The following DIP2B variants were observed in gnomAD, a reference collection of about 807,000 sequenced individuals.
DIP2B encodes the protein DIP2 acetate--CoA ligase B (putative).
DIP2B carries 76 observed loss-of-function variants against 198.0 expected under a neutral mutation model. The ratio of observed to expected loss-of-function variants is 0.38; its 90% CI spans 0.32 to 0.46. The LOEUF is 0.46. DIP2B is among the 20% of genes least tolerant of loss of function. The pLI is 0.99. For missense variants in DIP2B, 1,559 were observed against 1,978.4 expected (o/e 0.79, Z 4.02); for synonymous variants, 701 against 739.1 (o/e 0.95, Z 0.84).
intron 2 of DIP2B, among the ~76,000 whole-genome samples, chr12:50,630,819 G>A (rs575196247): frequency 6.6e-6 from 1 of 151,746 alleles, no homozygotes; most frequent in East Asian, 1.9e-4. Context: ...TTACAGGCAT[G>A]TGCCACCATG....
At chr12:50,730,734 A>G (rs1940027874) in intron 30 of DIP2B, among the ~76,000 whole-genome samples, 1 of 152,168 alleles carries the variant, frequency 6.6e-6, no homozygotes, top group Non-Finnish European at 1.5e-5. Context: ...TGCTGTAATT[A>G]TCGGCCTTTG....
rs551877478 is a variant in DIP2B at position 50,523,691 on chromosome 12, G to T, written c.100+18451G>T. Reference sequence around the variant, plus strand: ...AAGTTACTGTATTCAAAGCAGTATGGTATTAGCTTTAAAACAGGATGAATG... The same window carrying T: ...AAGTTACTGTATTCAAAGCAGTATGTTATTAGCTTTAAAACAGGATGAATG... On this transcript the variant is annotated intron_variant, in intron 1 of 37. Transcript: ENST00000301180. Among the ~76,000 whole-genome samples, 80 of 152,254 alleles carry T rather than the reference G, an allele frequency of 5.3e-4. No homozygotes were observed. The South Asian group carries it at 7.0e-3, about 13-fold the overall frequency.
intron 3 of DIP2B, among the ~76,000 whole-genome samples, chr12:50,655,966 C>A (rs923859568): frequency 6.6e-6 from 1 of 151,978 alleles, no homozygotes; most frequent in Non-Finnish European, 1.5e-5. Flanking sequence ...CAGAGTGAGA[C>A]CCTGTCCCAA....
At chr12:50,681,883 G>T (rs1045016354) in intron 9 of DIP2B, among the ~76,000 whole-genome samples, 7 of 152,206 alleles carry the variant, frequency 4.6e-5, no homozygotes, top group Non-Finnish European at 8.8e-5. Context: ...CACTGTGCAG[G>T]AAGGAAATGG....
intron 26 of DIP2B, among the ~76,000 whole-genome samples, chr12:50,722,882 C>G (rs528128107): frequency 1.3e-5 from 2 of 152,264 alleles, no homozygotes; most frequent in African/African-American, 4.8e-5. Context: ...TTTTATTTTC[C>G]TAGTTAACCA....
At position 50,680,759 on chromosome 12, in the gene DIP2B, A is replaced by G; in HGVS notation, c.1202A>G (p.Asp401Gly). The G allele has an allele frequency of 6.2e-7, 1 of 1,613,836 alleles. No homozygotes were observed. The highest frequency in any genetic ancestry group is 8.5e-7 in the Non-Finnish European group (1 of 1,179,874). ...TKNEPVLKPG[D>G]RVALVYPNND... ...AATGAACCTGTGTTAAAACCTGGAGACAGGGTAATTGGTGTGATTTTGGTT... is the reference window on the plus strand; with the variant it reads ...AATGAACCTGTGTTAAAACCTGGAGGCAGGGTAATTGGTGTGATTTTGGTT... Residue 401 changes from aspartate to glycine, a missense_variant, in exon 9 of 38, where the codon GAC (aspartate) becomes GGC (glycine). Coordinates refer to ENST00000301180, the MANE Select transcript of DIP2B (RefSeq NM_173602.3).
chr12:50,674,511 C>T lies in DIP2B; in HGVS notation c.678C>T (p.Thr226=), dbSNP rs1158448049. Residue 226 remains threonine, a synonymous_variant, in exon 6 of 38, where the codon ACC becomes ACT. Coordinates refer to ENST00000301180, the MANE Select transcript of DIP2B (RefSeq NM_173602.3). Reference sequence around the variant, plus strand: ...CTCCTCCTGATGTCACTACAACTACCTCTTCCTCCTCATCATCTTCCTCAA... The same window carrying T: ...CTCCTCCTGATGTCACTACAACTACTTCTTCCTCCTCATCATCTTCCTCAA... ...FSAPPDVTTT[T]SSSSSSSSIR... 1.2e-6 allele frequency: 2 copies of T among 1,614,224 alleles called. No homozygotes were observed. The highest frequency in any genetic ancestry group is 2.2e-5 in the South Asian group (2 of 91,086).
intron 1 of DIP2B, among the ~76,000 whole-genome samples, chr12:50,551,033 T>C (rs1958422887): frequency 6.6e-6 from 1 of 151,936 alleles, no homozygotes; most frequent in African/African-American, 2.4e-5. Flanking sequence ...AGGGCTGCAG[T>C]GTGCTGAAAT....
chr12:50,539,796 C>G (rs1408759618), intron 1 of DIP2B, among the ~76,000 whole-genome samples: 1 of 151,856 alleles, frequency 6.6e-6, no homozygotes, highest in Non-Finnish European at 1.5e-5. Context: ...TGTTAATTCT[C>G]TAGTTTTGCT....
At chr12:50,653,742 A>G (rs1019260850) in intron 3 of DIP2B, among the ~76,000 whole-genome samples, 1 of 151,636 alleles carries the variant, frequency 6.6e-6, no homozygotes. Flanking sequence ...TTTTTTCTCA[A>G]GAAAGCTAAG....
intron 1 of DIP2B, among the ~76,000 whole-genome samples, chr12:50,578,350 TTTG>T (rs750397499): frequency 1.4e-3 from 112 of 80,694 alleles, no homozygotes; most frequent in Middle Eastern, 0.013. Flanking sequence ...ACATCTTTTT[TTTG>T]TTTGTTTGTT....
intron 1 of DIP2B, among the ~76,000 whole-genome samples, chr12:50,582,338 C>T (rs112566376): frequency 8.9e-4 from 135 of 151,648 alleles, no homozygotes; most frequent in Non-Finnish European, 1.1e-3. Flanking sequence ...TTAGTAGAGA[C>T]GGGGTTTCAC....
intron 3 of DIP2B, among the ~76,000 whole-genome samples, chr12:50,657,507 G>A (rs1413321745): frequency 6.6e-6 from 1 of 151,982 alleles, no homozygotes; most frequent in Admixed American, 6.6e-5. Flanking sequence ...ATTATTTCTG[G>A]CTGGGCATGG....
At chr12:50,631,373 C>T (rs1938050616) in intron 2 of DIP2B, among the ~76,000 whole-genome samples, 1 of 151,930 alleles carries the variant, frequency 6.6e-6, no homozygotes, top group African/African-American at 2.4e-5. Context: ...ATTACAGGCA[C>T]CTGCCACCAC....
chr12:50,665,108 T>C (rs1938727464), intron 4 of DIP2B, among the ~76,000 whole-genome samples: 1 of 152,026 alleles, frequency 6.6e-6, no homozygotes, highest in Admixed American at 6.6e-5. Context: ...TCCAAAGTGT[T>C]GGGATTATAG....
At chr12:50,641,215 G>A (rs1043803544) in intron 3 of DIP2B, among the ~76,000 whole-genome samples, 3 of 152,064 alleles carry the variant, frequency 2.0e-5, no homozygotes, top group Non-Finnish European at 4.4e-5. Flanking sequence ...AAATTAGCTG[G>A]GCATGGTGGT....
chr12:50,507,206 C>G (rs1957975621), intron 1 of DIP2B, among the ~76,000 whole-genome samples: 1 of 152,138 alleles, frequency 6.6e-6, no homozygotes, highest in Non-Finnish European at 1.5e-5. Flanking sequence ...TGGCATCTGA[C>G]TTGGTTTGAA....
chr12:50,570,031 G>T (rs1455161812), intron 1 of DIP2B, among the ~76,000 whole-genome samples: 3 of 152,320 alleles, frequency 2.0e-5, no homozygotes, highest in Admixed American at 2.0e-4. Context: ...TTCAGTGAAT[G>T]AAGTGCTCTG....
intron 1 of DIP2B, among the ~76,000 whole-genome samples, chr12:50,620,701 A>G (rs955324630): frequency 3.9e-5 from 6 of 152,214 alleles, no homozygotes; most frequent in African/African-American, 1.4e-4. Flanking sequence ...TATAGGTATC[A>G]TTATGATTCT....
Sources: gnomAD v4.1 joint callset for allele counts (sites outside exome capture counted in the v4.1 genomes callset) on GRCh38, gnomAD v4.1.1 for gene constraint, MANE v1.5 for transcripts, NCBI Gene and HGNC (gene_info 2026-07-23, HGNC 2026-07-21) for gene names.